MGMT: variants seen among roughly 807,000 people sequenced by gnomAD.
The protein encoded by MGMT is methylated-DNA--protein-cysteine methyltransferase.
A neutral mutation model predicts 15.9 loss-of-function variants in MGMT; 14 were observed. That is an observed-to-expected ratio of 0.88 (90% confidence interval 0.58 to 1.37). The LOEUF is 1.37. Ranked by LOEUF, MGMT falls within the 40% of genes most tolerant of loss-of-function variation. MGMT has a pLI of 0.00. For missense variants in MGMT, 282 were observed against 268.1 expected, an observed-to-expected ratio of 1.05 and a Z score of -0.36; for synonymous variants, 130 against 118.2, an observed-to-expected ratio of 1.10 and a Z score of -0.65.
At chr10:129,671,729 G>T (rs564070525) in intron 2 of MGMT, among the ~76,000 whole-genome samples, 1 of 152,304 alleles carries the variant, frequency 6.6e-6, no homozygotes, top group African/African-American at 2.4e-5. Flanking sequence ...GTGGTTAAAA[G>T]TATCATCTCA....
chr10:129,745,837 G>A (rs1413759423), intron 3 of MGMT, among the ~76,000 whole-genome samples: 1 of 152,014 alleles, frequency 6.6e-6, no homozygotes, highest in Non-Finnish European at 1.5e-5. Context: ...GAACTGTTGA[G>A]TTTGGAAAAA....
intron 1 of MGMT, among the ~76,000 whole-genome samples, chr10:129,501,325 A>C (rs1361158690): frequency 2.0e-5 from 3 of 152,146 alleles, no homozygotes; most frequent in African/African-American, 7.2e-5. Flanking sequence ...CTCTAGGCCA[A>C]AGGTTGGACC....
At chr10:129,688,400 G>A (rs962416868) in intron 2 of MGMT, among the ~76,000 whole-genome samples, 1 of 152,166 alleles carries the variant, frequency 6.6e-6, no homozygotes, top group Non-Finnish European at 1.5e-5. Context: ...GTGTGAGATG[G>A]TATCTCATTG....
At chr10:129,722,341 C>G (rs1330028014) in intron 3 of MGMT, among the ~76,000 whole-genome samples, 1 of 152,138 alleles carries the variant, frequency 6.6e-6, no homozygotes, top group Non-Finnish European at 1.5e-5. Context: ...CAAGGCCTCT[C>G]TACTAAACAG....
chr10:129,679,365 G>A (rs1170399395), intron 2 of MGMT, among the ~76,000 whole-genome samples: 4 of 149,988 alleles, frequency 2.7e-5, no homozygotes, highest in African/African-American at 5.0e-5. Flanking sequence ...GGGACCCTGC[G>A]GGCTTCCACA....
intron 2 of MGMT, among the ~76,000 whole-genome samples, chr10:129,546,606 G>A (rs898077405): frequency 1.3e-5 from 2 of 152,176 alleles, no homozygotes; most frequent in Non-Finnish European, 2.9e-5. Context: ...GAGACTGAAG[G>A]AAAACCAAGA....
At chr10:129,647,119 A>G (rs1281842834) in intron 2 of MGMT, among the ~76,000 whole-genome samples, 1 of 152,060 alleles carries the variant, frequency 6.6e-6, no homozygotes, top group African/African-American at 2.4e-5. Context: ...CCCCCACGCC[A>G]AGTCCCATTT....
intron 1 of MGMT, among the ~76,000 whole-genome samples, chr10:129,519,708 A>G (rs1845783089): frequency 6.6e-6 from 1 of 152,162 alleles, no homozygotes; most frequent in African/African-American, 2.4e-5. Context: ...CAGAAATTTC[A>G]TGAAACTTAG....
At chr10:129,721,896 G>T (rs1274156601) in intron 3 of MGMT, among the ~76,000 whole-genome samples, 1 of 151,852 alleles carries the variant, frequency 6.6e-6, no homozygotes, top group Non-Finnish European at 1.5e-5. Flanking sequence ...AAAATAACAA[G>T]TTGGCAGACT....
chr10:129,657,239 C>A (rs1237557286), intron 2 of MGMT, among the ~76,000 whole-genome samples: 1 of 152,136 alleles, frequency 6.6e-6, no homozygotes, highest in Admixed American at 6.5e-5. Context: ...TGCTTCGAAT[C>A]GGGATTTTCC....
intron 2 of MGMT, among the ~76,000 whole-genome samples, chr10:129,645,110 T>G (rs1422691597): frequency 6.8e-6 from 1 of 146,324 alleles, no homozygotes; most frequent in South Asian, 2.1e-4. Flanking sequence ...AAATCAAGCC[T>G]GAAAGCCCTT....
intron 2 of MGMT, among the ~76,000 whole-genome samples, chr10:129,699,139 T>C (rs1391952182): frequency 6.6e-6 from 1 of 152,216 alleles, no homozygotes; most frequent in Non-Finnish European, 1.5e-5. Flanking sequence ...GTTGATAAAA[T>C]ACAATTTTCC....
chr10:129,630,679 G>C (rs949904425), intron 2 of MGMT, among the ~76,000 whole-genome samples: 1 of 152,114 alleles, frequency 6.6e-6, no homozygotes, highest in African/African-American at 2.4e-5. Flanking sequence ...ATTTTTGTGG[G>C]CAGAGCCGAG....
intron 1 of MGMT, among the ~76,000 whole-genome samples, chr10:129,527,433 A>G (rs1175495410): frequency 6.6e-6 from 1 of 152,098 alleles, no homozygotes. Context: ...CTTTCCTTTG[A>G]TGGTACGCCG....
intron 2 of MGMT, among the ~76,000 whole-genome samples, chr10:129,653,786 CT>C (rs2133099816): frequency 6.6e-6 from 1 of 152,350 alleles, no homozygotes; most frequent in South Asian, 2.1e-4. Flanking sequence ...TTCTGCATCA[CT>C]GAGGCCCCAC....
At chr10:129,590,434 A>G (rs1308059689) in intron 2 of MGMT, among the ~76,000 whole-genome samples, 3 of 152,218 alleles carry the variant, frequency 2.0e-5, no homozygotes, top group Admixed American at 6.5e-5. Context: ...TTAAATTTTA[A>G]TAAAGAGACT....
chr10:129,535,119 T>C (rs1479070809), intron 1 of MGMT, among the ~76,000 whole-genome samples: 1 of 152,218 alleles, frequency 6.6e-6, no homozygotes, highest in East Asian at 1.9e-4. Flanking sequence ...CTTTGCTTTG[T>C]TGTTCTCAGT....
At chr10:129,490,135 C>T (rs899289645) in intron 1 of MGMT, among the ~76,000 whole-genome samples, 1 of 151,850 alleles carries the variant, frequency 6.6e-6, no homozygotes, top group Admixed American at 6.6e-5. Flanking sequence ...TGCTTCCCTC[C>T]AGGAGGGAAA....
At chr10:129,561,357 G>A (rs1284738887) in intron 2 of MGMT, among the ~76,000 whole-genome samples, 1 of 152,136 alleles carries the variant, frequency 6.6e-6, no homozygotes, top group Non-Finnish European at 1.5e-5. Context: ...TCGGGAAGGA[G>A]CCTCCACACC....
Sources: gnomAD v4.1 joint callset for allele counts (sites outside exome capture counted in the v4.1 genomes callset) on GRCh38, gnomAD v4.1.1 for gene constraint, MANE v1.5 for transcripts, NCBI Gene and HGNC (gene_info 2026-07-23, HGNC 2026-07-21) for gene names.